CNST: variants seen among roughly 807,000 people sequenced by gnomAD.
CNST encodes consortin.
A neutral mutation model predicts 72.4 loss-of-function variants in CNST; 39 were observed. The ratio of observed to expected loss-of-function variants is 0.54; its 90% CI spans 0.42 to 0.70. The LOEUF (loss-of-function observed/expected upper bound fraction) is 0.70. CNST is among the 30% of genes least tolerant of loss of function. CNST has a pLI of 0.00. For synonymous variants in CNST, 332 were observed against 320.1 expected, an observed-to-expected ratio of 1.04 and a Z score of -0.40; for missense variants, 871 against 868.5, an observed-to-expected ratio of 1.00 and a Z score of -0.04.
chr1:246,574,435 T>A (rs908382633), intron 1 of CNST, among the ~76,000 whole-genome samples: 5 of 152,088 alleles, frequency 3.3e-5, no homozygotes, highest in African/African-American at 7.2e-5. Flanking sequence ...TTAAAAAAAA[T>A]TTTTTTTAGA....
chr1:246,581,287 CG>C (rs1208174672), intron 1 of CNST, among the ~76,000 whole-genome samples: 1 of 151,508 alleles, frequency 6.6e-6, no homozygotes, highest in Non-Finnish European at 1.5e-5. Flanking sequence ...TTTTTTGAGA[CG>C]GAGTTTTGCT....
intron 3 of CNST, among the ~76,000 whole-genome samples, chr1:246,629,756 G>A (rs1001851728): frequency 1.3e-5 from 2 of 152,112 alleles, no homozygotes; most frequent in Admixed American, 1.3e-4. Context: ...TTTTGAGACA[G>A]AGTTTCACAC....
intron 3 of CNST, among the ~76,000 whole-genome samples, chr1:246,625,215 A>C (rs1383343537): frequency 6.6e-6 from 1 of 152,064 alleles, no homozygotes. Context: ...GTTTTCCCCC[A>C]GTGCAGGATT....
intron 2 of CNST, among the ~76,000 whole-genome samples, chr1:246,603,621 A>G (rs1662460025): frequency 2.0e-5 from 3 of 152,256 alleles, no homozygotes; most frequent in Admixed American, 6.5e-5. Context: ...CATGCTATTT[A>G]GCAATGAAAA....
chr1:246,605,496 G>C (rs61852378), intron 2 of CNST, among the ~76,000 whole-genome samples: 3 of 149,084 alleles, frequency 2.0e-5, no homozygotes, highest in African/African-American at 4.9e-5. Context: ...TTTAATGCGC[G>C]CCTGGGTGCA....
chr1:246,642,011 AAGG>A lies in CNST; in HGVS notation c.917_919del (p.Gly306del). ...TTACTAGTGTCTGAAGATCCAAAGG[AAGG>A]AGGAGCTACCACCAAAGAGTCAGGT... On this transcript the variant is annotated inframe_deletion, in exon 8 of 11. Coordinates refer to ENST00000366513, the MANE Select transcript of CNST (RefSeq NM_152609.3). 6.2e-7 allele frequency: 1 copy of A among 1,611,326 alleles called. No homozygotes were observed. Among genetic ancestry groups the A allele is most frequent in the Non-Finnish European group, 8.5e-7 (1 of 1,178,212 alleles).
At chr1:246,659,421 C>T (rs6686823) in intron 9 of CNST, among the ~76,000 whole-genome samples, 83,108 of 151,940 alleles carry the variant, frequency 0.55, 23,416 homozygotes, top group African/African-American at 0.68. Flanking sequence ...GGTGAAACCC[C>T]GTCTCTACTG....
At chr1:246,633,147 C>T (rs544026494) in intron 4 of CNST, among the ~76,000 whole-genome samples, 19 of 152,268 alleles carry the variant, frequency 1.2e-4, no homozygotes, top group Admixed American at 5.2e-4. Context: ...TTACCTACTT[C>T]AAAACCAAGA....
intron 1 of CNST, among the ~76,000 whole-genome samples, chr1:246,586,196 TG>T (rs1354303214): frequency 6.8e-6 from 1 of 148,070 alleles, no homozygotes; most frequent in Non-Finnish European, 1.5e-5. Flanking sequence ...ATCTTTGATA[TG>T]TATCTTTATT....
intron 2 of CNST, among the ~76,000 whole-genome samples, chr1:246,605,444 G>A (rs1271315575): frequency 1.3e-5 from 2 of 152,220 alleles, no homozygotes; most frequent in African/African-American, 2.4e-5. Flanking sequence ...CCCCGGGAGC[G>A]CGCCAACAGA....
At chr1:246,572,722 T>A (rs180672258) in intron 1 of CNST, among the ~76,000 whole-genome samples, 10 of 152,256 alleles carry the variant, frequency 6.6e-5, no homozygotes, top group African/African-American at 2.2e-4. Context: ...GTGGTTTTTT[T>A]AATTATTAAT....
At chr1:246,636,729 GC>G (rs1210757389) in intron 6 of CNST, among the ~76,000 whole-genome samples, 9 of 152,184 alleles carry the variant, frequency 5.9e-5, no homozygotes, top group Non-Finnish European at 8.8e-5. Context: ...CATTATGACT[GC>G]CAGATACTCC....
At chr1:246,613,465 ACCT>A (rs1663465859) in intron 2 of CNST, among the ~76,000 whole-genome samples, 1 of 151,708 alleles carries the variant, frequency 6.6e-6, no homozygotes, top group African/African-American at 2.4e-5. Context: ...TAATGGCATA[ACCT>A]TCTCTCAGAT....
intron 3 of CNST, among the ~76,000 whole-genome samples, chr1:246,621,921 G>A (rs544461575): frequency 3.6e-4 from 55 of 152,238 alleles, no homozygotes; most frequent in Admixed American, 5.9e-4. Context: ...CTCAAGCCTG[G>A]GAGGCAAAGG....
chr1:246,579,307 T>C (rs554157298), intron 1 of CNST, among the ~76,000 whole-genome samples: 114 of 152,344 alleles, frequency 7.5e-4, no homozygotes, highest in African/African-American at 2.5e-3. Flanking sequence ...CTGTTAAGTA[T>C]GTATTCATTC....
chr1:246,634,965 C>CGGCCGGGGTAGGTGTCTTCT (rs1367413045), intron 6 of CNST, among the ~76,000 whole-genome samples: 2 of 151,082 alleles, frequency 1.3e-5, no homozygotes, highest in African/African-American at 2.4e-5. Flanking sequence ...GCGTGTCTTC[C>CGGCCGGGGTAGGTGTCTTCT]GGCCGGGGTG....
Position 246,591,934 on chromosome 1 carries a change from A to T in CNST, c.372A>T (p.Ile124=). 5 of 1,603,922 alleles carry T rather than the reference A, an allele frequency of 3.1e-6. No homozygotes were observed. The highest frequency in any genetic ancestry group is 8.5e-7 in the Non-Finnish European group (1 of 1,176,756). ...PRSKKGTAKK[I]PPGLFSGDIA... is the part of the protein sequence containing the mutation. The stretch of plus-strand genomic sequence containing the variant: ...GCAAAAAAGGGACTGCTAAGAAGAT[A>T]CCACCAGGTATTGTTTAAAATAGTA... The change falls in exon 2 of 11, where the codon ATA becomes ATT. Residue 124 remains isoleucine (I), a synonymous_variant. Coordinates refer to ENST00000366513, the MANE Select transcript of CNST (RefSeq NM_152609.3).
At chr1:246,644,487 C>T (rs1665923414) in intron 8 of CNST, among the ~76,000 whole-genome samples, 2 of 151,932 alleles carry the variant, frequency 1.3e-5, no homozygotes. Context: ...TCTCACTGTA[C>T]TCAAAGCTCT....
At chr1:246,630,943 A>G (rs1359968496) in intron 3 of CNST, among the ~76,000 whole-genome samples, 1 of 151,954 alleles carries the variant, frequency 6.6e-6, no homozygotes, top group African/African-American at 2.4e-5. Context: ...ATGGGGTTTC[A>G]CCGTGTTGGT....
Sources: allele counts gnomAD v4.1 joint callset (sites outside exome capture counted in the v4.1 genomes callset), GRCh38; gene constraint gnomAD v4.1.1; transcripts MANE v1.5; gene names NCBI Gene and HGNC (gene_info 2026-07-23, HGNC 2026-07-21).